The following NRAP variants were observed in gnomAD, a reference collection of about 807,000 sequenced individuals.
The protein encoded by NRAP is nebulin-related-anchoring protein.
NRAP carries 189 observed loss-of-function variants against 225.9 expected under a neutral mutation model. That is an observed-to-expected ratio of 0.84 (90% CI 0.74 to 0.94). NRAP has a LOEUF of 0.94. Ranked by LOEUF, NRAP falls within the 40% of genes least tolerant of loss-of-function variation. The pLI is 0.00. For synonymous variants in NRAP, 769 were observed against 790.7 expected (o/e 0.97, Z 0.46); for missense variants, 2,176 against 2,168.7 (o/e 1.00, Z -0.07).
Position 113,623,620 on chromosome 10 carries a change from C to A in NRAP, c.2366G>T (p.Ser789Ile). 1 of 1,613,692 alleles carries A rather than the reference C, an allele frequency of 6.2e-7. No individual in the cohort carries two copies. Among genetic ancestry groups the A allele is most frequent in the African/African-American group, 1.3e-5 (1 of 75,050 alleles). Residue 789 changes from serine to isoleucine, a missense_variant, in exon 23 of 42, where the codon AGC (serine) becomes ATC (isoleucine). Physicochemically the swap from Ser to Ile is moderately radical, Grantham distance 142 (BLOSUM62 -2). Coordinates refer to ENST00000359988, the MANE Select transcript of NRAP (RefSeq NM_198060.4). ...ANLSEKLYKSSWENQKAKGFE... is the reference protein window; with the variant it reads ...ANLSEKLYKSIWENQKAKGFE... ...CCCTTTTGCTTTCTGGTTTTCCCAG[C>A]TGCTCTTATACAGTTTCTAAGGGGA...
In NRAP at chr10:113,662,902, C is replaced by A. The variant is rs4918862; in HGVS notation, c.168-136G>T. ...AAATGTAAAACTTAAAAATTAAGTT[C>A]GTGATTTTCCAGGCAATGCATCTTA... On this transcript the variant is annotated intron_variant, in intron 2 of 41. Coordinates refer to ENST00000359988, the MANE Select transcript of NRAP (RefSeq NM_198060.4). 0.14 allele frequency: 65,488 copies of A among 466,742 alleles called. 5,039 individuals are homozygous for A. The highest frequency in any genetic ancestry group is 0.23 in the African/African-American group (11,144 of 48,982). The allele number at this position is 466,742 out of a possible 1,614,324, so 28.9% of individuals were successfully genotyped here.
At chr10:113,610,274 C>A (rs1204633750) in intron 31 of NRAP, among the ~76,000 whole-genome samples, 185 bp downstream of exon 31, 1 of 150,946 alleles carries the variant, frequency 6.6e-6, no homozygotes, top group African/African-American at 2.4e-5. Flanking sequence ...CGCTTGAACC[C>A]AGGAGACGGA....
intron 15 of NRAP, 67 bp from the exon 16 acceptor site, chr10:113,633,255 G>C: frequency 1.1e-6 from 1 of 892,066 alleles, no homozygotes; most frequent in Non-Finnish European, 1.9e-6. Flanking sequence ...GGGACCCATA[G>C]CTCTTTCCCC....
intron 14 of NRAP, among the ~76,000 whole-genome samples, chr10:113,635,299 C>T (rs1044886867): frequency 1.3e-5 from 2 of 152,076 alleles, no homozygotes; most frequent in African/African-American, 4.8e-5. Context: ...GGATAGTAGG[C>T]GATAAGGCGT....
chr10:113,617,139 A>T (rs985877730), intron 26 of NRAP, among the ~76,000 whole-genome samples: 5 of 152,210 alleles, frequency 3.3e-5, no homozygotes, highest in Non-Finnish European at 7.4e-5. Context: ...TTCTGAAAAC[A>T]ACACTTTCAG....
chr10:113,632,968 C>G, intron 16 of NRAP, 116 bp downstream of exon 16: 1 of 691,754 alleles, frequency 1.4e-6, no homozygotes, highest in Non-Finnish European at 2.7e-6. Flanking sequence ...TTGATGGATG[C>G]CTCTGATGAG....
intron 31 of NRAP, 98 bp downstream of exon 31, chr10:113,610,361 A>T: frequency 1.6e-6 from 1 of 641,258 alleles, no homozygotes; most frequent in Non-Finnish European, 2.7e-6. Flanking sequence ...AATTAAAAAA[A>T]AAAAAAAAAA....
rs1564752366 is a variant in NRAP, at chr10:113,647,488, G to GGTGGTACTGTCTCCCCCA, written c.889-462_889-461insTGGGGGAGACAGTACCAC. 3.3e-4 allele frequency among the ~76,000 whole-genome samples: 32 copies of GGTGGTACTGTCTCCCCCA among 96,488 alleles called. 1 individual carries two copies. The East Asian group carries it at 4.5e-3, about 14-fold the overall frequency. The allele number at this position is 96,488 out of a possible 152,430, so 63.3% of individuals were successfully genotyped here. A position where few individuals can be genotyped will look rare whatever the true frequency, so the allele number is the denominator to read the frequency against. ...CTCCCCAAGTGGTACTGTCTCCCCC[G>GGTGGTACTGTCTCCCCCA]GTGGTACTGCCTCCCCAAGTGGTAC... On this transcript the variant is annotated intron_variant, in intron 9 of 41. Coordinates refer to ENST00000359988, the MANE Select transcript of NRAP (RefSeq NM_198060.4).
chr10:113,588,995 T>TCAGAACC lies in NRAP; in HGVS notation c.5172_5173insGGTTCTG (p.Lys1725GlyfsTer17). 6.2e-7 allele frequency: 1 copy of TCAGAACC among 1,613,936 alleles called. No homozygotes were observed. The highest frequency in any genetic ancestry group is 8.5e-7 in the Non-Finnish European group (1 of 1,179,870). ...ATGGCTCACAACAGCAGGGCCTTCTTCTTTTTGACGTGCAGAATCTCAGTG... is the reference window on the plus strand; with the variant it reads ...ATGGCTCACAACAGCAGGGCCTTCTTCAGAACCCTTTTTGACGTGCAGAATCTCAGTG... On this transcript the variant is annotated frameshift_variant, in exon 42 of 42. Transcript: ENST00000359988. LOFTEE classifies it high-confidence loss of function.
intron 6 of NRAP, 37 bp from the exon 7 acceptor site, chr10:113,651,944 C>T: frequency 7.6e-7 from 1 of 1,307,786 alleles, no homozygotes; most frequent in Non-Finnish European, 1.1e-6. Context: ...GTGCACCCAC[C>T]TCACAGCCTC....
chr10:113,627,897 A>C (rs1437890389), intron 20 of NRAP, among the ~76,000 whole-genome samples: 2 of 152,248 alleles, frequency 1.3e-5, no homozygotes, highest in African/African-American at 2.4e-5. Flanking sequence ...AATACGCCCA[A>C]AGTGATGATT....
chr10:113,617,234 T>C (rs1382709082), intron 26 of NRAP, among the ~76,000 whole-genome samples: 1 of 152,090 alleles, frequency 6.6e-6, no homozygotes, highest in Non-Finnish European at 1.5e-5. Context: ...CTTGGGGCAG[T>C]GGGGTGGTGG....
chr10:113,589,191 C>T lies in NRAP; in HGVS notation c.5089-112G>A, dbSNP rs551018573. On this transcript the variant is annotated intron_variant, in intron 41 of 41. Transcript: ENST00000359988. ...CACAGGGAGCATTTAACAGGCTCAC[C>T]CTCCCTTTCCTTTTCCCCTCTTCTA... 4.3e-5 allele frequency: 34 copies of T among 788,264 alleles called. No homozygotes were observed. The East Asian group carries it at 8.7e-4, about 20-fold the overall frequency. The allele number at this position is 788,264 out of a possible 1,614,324, so 48.8% of individuals were successfully genotyped here.
chr10:113,604,374 C>G (rs568861525), intron 35 of NRAP, among the ~76,000 whole-genome samples: 259 of 152,306 alleles, frequency 1.7e-3, no homozygotes, highest in Non-Finnish European at 3.0e-3. Flanking sequence ...CTCAGCCTCC[C>G]AAAGTGTTGG....
At position 113,588,946 on chromosome 10, in the gene NRAP, G is replaced by A. The variant is rs760661336; in HGVS notation, c.*29C>T. 1.9e-6 allele frequency: 3 copies of A among 1,555,960 alleles called. No homozygotes were observed. The Admixed American group carries it at 5.2e-5, about 27-fold the overall frequency. ...TCTCTGGTGAACAAACTTCCTCTCT[G>A]GCCTCTCAGGAATCAGGGTGGACAT... is the stretch of plus-strand genomic sequence containing the variant. On this transcript the variant is annotated 3_prime_UTR_variant, in exon 42 of 42. Coordinates refer to ENST00000359988, the MANE Select transcript of NRAP (RefSeq NM_198060.4).
At chr10:113,656,209 C>T (rs536850901) in intron 4 of NRAP, among the ~76,000 whole-genome samples, 21 of 147,082 alleles carry the variant, frequency 1.4e-4, no homozygotes, top group African/African-American at 4.9e-4. Context: ...TCCACAACCC[C>T]TTATTGTAAT....
chr10:113,617,684 T>G, intron 25 of NRAP, 131 bp from the exon 26 acceptor site: 2 of 664,118 alleles, frequency 3.0e-6, no homozygotes, highest in Non-Finnish European at 5.5e-6. Context: ...TTCCTCCATC[T>G]TTATATCCTA....
At position 113,608,532 on chromosome 10, in the gene NRAP, G is replaced by A. The variant is rs1310202719; in HGVS notation, c.3604-20C>T. ...TTTACTCTGAATTCACACACAAGAA[G>A]GGAAGAAGACGACTCCGTAAGGGAT... On this transcript the variant is annotated intron_variant, in intron 31 of 41. Coordinates refer to ENST00000359988, the MANE Select transcript of NRAP (RefSeq NM_198060.4). The A allele has an allele frequency of 6.6e-7, 1 of 1,522,632 alleles. No individual in the cohort carries two copies. The highest frequency in any genetic ancestry group is 1.7e-5 in the Admixed American group (1 of 58,238). 94.3% of individuals were successfully genotyped at this position (1,522,632 alleles called of 1,614,324 possible).
rs74881677 is a variant in NRAP at position 113,624,870 on chromosome 10, G to T, written c.2305C>A (p.Pro769Thr). The change falls in exon 22 of 42, where the codon CCT becomes ACT. Residue 769 changes from proline to threonine, a missense_variant. Physicochemically the swap from Pro to Thr is conservative, Grantham distance 38. Coordinates refer to ENST00000359988, the MANE Select transcript of NRAP (RefSeq NM_198060.4). ...VHQYTISKDE[P>T]LFLQARANAA... ...TTGGCTCGGGCCTGCAGGAAGAGAG[G>T]CTCGTCTTTGCTGATGGTATACTGA... 4.3e-6 allele frequency: 7 copies of T among 1,614,096 alleles called. No homozygotes were observed. The highest frequency in any genetic ancestry group is 4.5e-5 in the East Asian group (2 of 44,874).
Sources: gnomAD v4.1 joint callset for allele counts (sites outside exome capture counted in the v4.1 genomes callset) on GRCh38, gnomAD v4.1.1 for gene constraint, MANE v1.5 for transcripts, NCBI Gene and HGNC (gene_info 2026-07-23, HGNC 2026-07-21) for gene names.